The following HEMK1 variants were observed in gnomAD, a reference collection of about 807,000 sequenced individuals.
The protein encoded by HEMK1 is MTRF1L release factor glutamine methyltransferase.
HEMK1 carries 36 observed loss-of-function variants against 47.9 expected under a neutral mutation model. That is an observed-to-expected ratio of 0.75 (90% CI 0.58 to 0.99). HEMK1 has a LOEUF of 0.99. Among genes scored for constraint, HEMK1 ranks in the 50% least tolerant of loss-of-function variants. The pLI, the probability that HEMK1 is intolerant of heterozygous loss-of-function variation, is 0.00. For synonymous variants in HEMK1, 153 were observed against 165.4 expected (o/e 0.93, Z 0.57); for missense variants, 383 against 434.5 (o/e 0.88, Z 1.05).
At chr3:50,580,023 C>T in intron 9 of HEMK1, 84 bp downstream of exon 9, 1 of 1,515,022 alleles carries the variant, frequency 6.6e-7, no homozygotes, top group South Asian at 1.1e-5. Flanking sequence ...TGGCAGAGGT[C>T]AGCACAGGAC....
chr3:50,586,456 G>T lies in HEMK1; in HGVS notation c.*6039G>T, dbSNP rs1016949903. The T allele has an allele frequency of 6.6e-6, 1 of 152,350 alleles. No individual in the cohort carries two copies. The highest frequency in any genetic ancestry group is 2.4e-5 in the African/African-American group (1 of 41,474). 9.4% of individuals were successfully genotyped at this position (152,350 alleles called of 1,614,324 possible). On this transcript the variant is annotated 3_prime_UTR_variant, in exon 11 of 11. Transcript: ENST00000232854. ...GGGTGAGACAGCTTAGAGTAGCCAT[G>T]CCCCGTGGCAGGCAGGCCTGGCTAA...
At chr3:50,574,371 G>A (rs1398977211) in intron 4 of HEMK1, among the ~76,000 whole-genome samples, 1 of 152,212 alleles carries the variant, frequency 6.6e-6, no homozygotes, top group Non-Finnish European at 1.5e-5. Flanking sequence ...ACCAAGATGA[G>A]TTTCCGGTGC....
chr3:50,582,107 G>C lies in HEMK1; in HGVS notation c.*1690G>C, dbSNP rs888985865. ...ATCTCAGGGTAGCTGCCCTGACCTCGGAGCAGTCTGTCGCCCCCCTACACC... is the reference window on the plus strand; with the variant it reads ...ATCTCAGGGTAGCTGCCCTGACCTCCGAGCAGTCTGTCGCCCCCCTACACC... On this transcript the variant is annotated 3_prime_UTR_variant, in exon 11 of 11. Transcript: ENST00000232854. 2 of 152,184 alleles carry C rather than the reference G, an allele frequency of 1.3e-5. No individual in the cohort carries two copies. The highest frequency in any genetic ancestry group is 2.9e-5 in the Non-Finnish European group (2 of 68,082). The allele number at this position is 152,184 out of a possible 1,614,324, so 9.4% of individuals were successfully genotyped here.
chr3:50,576,847 T>G (rs1338889441), intron 4 of HEMK1, among the ~76,000 whole-genome samples: 1 of 152,174 alleles, frequency 6.6e-6, no homozygotes, highest in African/African-American at 2.4e-5. Flanking sequence ...TGGGCTATCC[T>G]CAACTGGGCT....
In HEMK1 at chr3:50,577,742, G is replaced by A. The variant is rs1489800549; in HGVS notation, c.615-84G>A. The A allele has an allele frequency of 2.7e-6, 4 of 1,491,332 alleles. No individual in the cohort carries two copies. The African/African-American group carries it at 5.5e-5, about 21-fold the overall frequency. The allele number at this position is 1,491,332 out of a possible 1,614,324, so 92.4% of individuals were successfully genotyped here. On this transcript the variant is annotated intron_variant, in intron 6 of 10. Coordinates refer to ENST00000232854, the MANE Select transcript of HEMK1 (RefSeq NM_016173.5). ...GGCAGTGAGTATCTTGCCAGTCCAA[G>A]AAGGGTTGACTATAAGACCTCATTC...
Position 50,571,196 on chromosome 3 carries a change from C to A in HEMK1, c.92C>A (p.Pro31His). The change falls in exon 2 of 11, where the codon CCC (proline) becomes CAC (histidine). Residue 31 changes from proline to histidine, a missense_variant. Pro to His is a moderately conservative substitution (Grantham distance 77). Transcript: ENST00000232854. ...GGCTGGGCCTTCAGCTCATGGCAAC[C>A]CCAACCACCTCTGGCTGGGTTATCC... ...TRGWAFSSWQ[P>H]QPPLAGLSSA... The A allele has an allele frequency of 1.2e-6, 2 of 1,613,832 alleles. No homozygotes were observed.
chr3:50,571,266 GA>G lies in HEMK1; in HGVS notation c.163del (p.Arg55GlyfsTer26). 4 of 1,613,362 alleles carry G rather than the reference GA, an allele frequency of 2.5e-6. No individual in the cohort carries two copies. The highest frequency in any genetic ancestry group is 1.3e-5 in the African/African-American group (1 of 75,042). ...VSHWTGVFEK[R>X]GIPEARESSE... Reference sequence around the variant, plus strand: ...GCCACTGGACTGGGGTCTTTGAGAAGAGGGGTATCCCTGAGGCCCGGGAATC... The same window carrying G: ...GCCACTGGACTGGGGTCTTTGAGAAGGGGGTATCCCTGAGGCCCGGGAATC... On this transcript the variant is annotated frameshift_variant, in exon 2 of 11. Transcript: ENST00000232854. LOFTEE classifies it high-confidence loss of function.
chr3:50,595,619 A>G lies in HEMK1; in HGVS notation c.*15202A>G, dbSNP rs1026973053. ...ATCACCCTTGTAAAGATTATTTAGA[A>G]CAAGGGCAACCAGTGCCTCTACTGG... On this transcript the variant is annotated 3_prime_UTR_variant, in exon 11 of 11. Transcript: ENST00000232854. 1 of 152,252 alleles carries G rather than the reference A, an allele frequency of 6.6e-6. No homozygotes were observed. The highest frequency in any genetic ancestry group is 1.5e-5 in the Non-Finnish European group (1 of 68,040). 9.4% of individuals were successfully genotyped at this position (152,252 alleles called of 1,614,324 possible).
At chr3:50,571,401 T>C in intron 2 of HEMK1, 69 bp downstream of exon 2, 1 of 1,222,804 alleles carries the variant, frequency 8.2e-7, no homozygotes, top group Non-Finnish European at 1.2e-6. Context: ...GATATCCAGG[T>C]TTTCTGTTCA....
chr3:50,593,775 A>G lies in HEMK1; in HGVS notation c.*13358A>G, dbSNP rs2031838572. On this transcript the variant is annotated 3_prime_UTR_variant, in exon 11 of 11. Transcript: ENST00000232854. ...TTTTTTTTTTTTGAGACAAAGTGCC[A>G]CTCTGTTGCCCAGACTGGAGTGCAG... 6.8e-6 allele frequency: 1 copy of G among 146,562 alleles called. No individual in the cohort carries two copies. Among genetic ancestry groups the G allele is most frequent in the Non-Finnish European group, 1.5e-5 (1 of 67,020 alleles). 9.1% of individuals were successfully genotyped at this position (146,562 alleles called of 1,614,324 possible).
At position 50,571,763 on chromosome 3, in the gene HEMK1, A is replaced by G. The variant is rs1700991268; in HGVS notation, c.282A>G (p.Leu94=). Residue 94 remains leucine, a synonymous_variant, in exon 3 of 11, where the codon CTA becomes CTG. Coordinates refer to ENST00000232854, the MANE Select transcript of HEMK1 (RefSeq NM_016173.5). ...LWTQPLTSQQ[L]QCIRELSSRR... ...CCCAGCCCTTGACCTCTCAGCAACT[A>G]CAGTGTATCCGGGAGCTGAGTAGCC... 3 of 1,614,162 alleles carry G rather than the reference A, an allele frequency of 1.9e-6. No homozygotes were observed. The highest frequency in any genetic ancestry group is 1.3e-5 in the African/African-American group (1 of 75,044).
intron 8 of HEMK1, among the ~76,000 whole-genome samples, chr3:50,579,182 G>T (rs1215879290): frequency 6.6e-6 from 1 of 152,200 alleles, no homozygotes; most frequent in African/African-American, 2.4e-5. Flanking sequence ...AAAAAGAGAG[G>T]TAGTGCTCTG....
rs1013863710 is a variant in HEMK1 at position 50,585,914 on chromosome 3, G to A, written c.*5497G>A. ...CAAAGGCCTGGGGTTAGTTAATTAA[G>A]TCAATTAGGTGGTGCTCATATGGCT... is the stretch of plus-strand genomic sequence containing the variant. On this transcript the variant is annotated 3_prime_UTR_variant, in exon 11 of 11. Coordinates refer to ENST00000232854, the MANE Select transcript of HEMK1 (RefSeq NM_016173.5). The A allele has an allele frequency of 1.3e-5, 2 of 152,200 alleles. No homozygotes were observed. Among genetic ancestry groups the A allele is most frequent in the African/African-American group, 4.8e-5 (2 of 41,442 alleles). 9.4% of individuals were successfully genotyped at this position (152,200 alleles called of 1,614,324 possible). A position where few individuals can be genotyped will look rare whatever the true frequency, so the allele number is the denominator to read the frequency against.
intron 8 of HEMK1, 118 bp downstream of exon 8, chr3:50,579,044 T>C (rs2030306181): frequency 5.5e-6 from 4 of 720,996 alleles, no homozygotes; most frequent in African/African-American, 1.8e-5. Flanking sequence ...TGGGCAATGG[T>C]GTTAAGTTGA....
At chr3:50,576,124 C>T (rs1701567662) in intron 4 of HEMK1, among the ~76,000 whole-genome samples, 2 of 152,350 alleles carry the variant, frequency 1.3e-5, no homozygotes, top group Admixed American at 6.5e-5. Context: ...CCATGTCCCC[C>T]CATGGCCCAT....
rs759933907 is a variant in HEMK1, at chr3:50,580,385, C to T, written c.985C>T (p.Arg329Trp). 1.4e-5 allele frequency: 23 copies of T among 1,614,172 alleles called. No individual in the cohort carries two copies. Among genetic ancestry groups the T allele is most frequent in the South Asian group, 5.5e-5 (5 of 91,074 alleles). ...CCCCTGTCCCTGTCTCCTCAGGCCC[C>T]GGTTCCTGCATATCCGGAGGTCTGG... is the stretch of plus-strand genomic sequence containing the variant. ...AVRRDFCGRP[R>W]FLHIRRSGP Residue 329 changes from arginine to tryptophan, a missense_variant, in exon 11 of 11, where the codon CGG becomes TGG. Transcript: ENST00000232854.
chr3:50,590,447 T>C lies in HEMK1; in HGVS notation c.*10030T>C. 6.6e-6 allele frequency: 1 copy of C among 151,820 alleles called. No individual in the cohort carries two copies. The highest frequency in any genetic ancestry group is 1.5e-5 in the Non-Finnish European group (1 of 68,172). The allele number at this position is 151,820 out of a possible 1,614,324, so 9.4% of individuals were successfully genotyped here. ...GGCTCATGCCTGTAATTCCAGCTAC[T>C]CGGGAGGCTGAGGCAGGAGAATCGC... is the stretch of plus-strand genomic sequence containing the variant. On this transcript the variant is annotated 3_prime_UTR_variant, in exon 11 of 11. Coordinates refer to ENST00000232854, the MANE Select transcript of HEMK1 (RefSeq NM_016173.5).
Position 50,572,111 on chromosome 3 carries a change from G to T in HEMK1, c.321-4G>T. On this transcript the variant is annotated splice_region_variant and splice_polypyrimidine_tract_variant and intron_variant, in intron 3 of 10. Transcript: ENST00000232854. Reference sequence around the variant, plus strand: ...TGATGACCACCCAGCTGCCCCCTCTGCAGGATGCCGGTGCAGTACATCCTT... The same window carrying T: ...TGATGACCACCCAGCTGCCCCCTCTTCAGGATGCCGGTGCAGTACATCCTT... The T allele has an allele frequency of 6.2e-7, 1 of 1,613,908 alleles. No individual in the cohort carries two copies. The highest frequency in any genetic ancestry group is 8.5e-7 in the Non-Finnish European group (1 of 1,179,932).
In HEMK1 at chr3:50,577,894, T is replaced by A; in HGVS notation, c.664+19T>A. The A allele has an allele frequency of 6.2e-7, 1 of 1,612,372 alleles. No individual in the cohort carries two copies. The highest frequency in any genetic ancestry group is 8.5e-7 in the Non-Finnish European group (1 of 1,178,420). On this transcript the variant is annotated intron_variant, in intron 7 of 10. Transcript: ENST00000232854. The stretch of plus-strand genomic sequence containing the variant: ...ACCTCAGGTACCCTCCCCTGCATGT[T>A]CCTTGAGAGAGGGAGACTAGATGCA...
Sources: gnomAD v4.1 joint callset for allele counts (sites outside exome capture counted in the v4.1 genomes callset) on GRCh38, gnomAD v4.1.1 for gene constraint, MANE v1.5 for transcripts, NCBI Gene and HGNC (gene_info 2026-07-23, HGNC 2026-07-21) for gene names.